STXBP5L: variants seen among roughly 807,000 people sequenced by gnomAD.
STXBP5L encodes syntaxin-binding protein 5-like.
A neutral mutation model predicts 144.5 loss-of-function variants in STXBP5L; 65 were observed. The ratio of observed to expected loss-of-function variants is 0.45; its 90% CI spans 0.37 to 0.55. The LOEUF (loss-of-function observed/expected upper bound fraction) is 0.55. STXBP5L is among the 20% of genes least tolerant of loss of function. The pLI, the probability that STXBP5L is intolerant of heterozygous loss-of-function variation, is 0.00. For missense variants in STXBP5L, 1,298 were observed against 1,405.5 expected, an observed-to-expected ratio of 0.92 and a Z score of 1.22; for synonymous variants, 505 against 469.6, an observed-to-expected ratio of 1.08 and a Z score of -0.97.
intron 20 of STXBP5L, chr3:121,324,724 A>T: frequency 3.8e-6 from 2 of 526,376 alleles, no homozygotes; most frequent in Non-Finnish European, 6.7e-6. Flanking sequence ...ATGAAAACAA[A>T]TTTTTCTGAA....
At chr3:121,400,854 C>T (rs542229273) in intron 22 of STXBP5L, among the ~76,000 whole-genome samples, 1 of 151,864 alleles carries the variant, frequency 6.6e-6, no homozygotes, top group Admixed American at 6.6e-5. Flanking sequence ...TGCTACAGTT[C>T]AAAATAGAGG....
At chr3:121,005,978 G>T (rs938558167) in intron 3 of STXBP5L, among the ~76,000 whole-genome samples, 1 of 152,058 alleles carries the variant, frequency 6.6e-6, no homozygotes, top group Non-Finnish European at 1.5e-5. Flanking sequence ...CCAACTATGT[G>T]GTCACTTTTG....
intron 8 of STXBP5L, among the ~76,000 whole-genome samples, chr3:121,153,295 G>T (rs1336003344): frequency 3.9e-5 from 6 of 151,968 alleles, no homozygotes; most frequent in Admixed American, 3.9e-4. Flanking sequence ...CCGTAAAACT[G>T]GGGGCAACAG....
At chr3:121,093,472 G>T (rs2042938447) in intron 5 of STXBP5L, among the ~76,000 whole-genome samples, 1 of 152,184 alleles carries the variant, frequency 6.6e-6, no homozygotes, top group African/African-American at 2.4e-5. Context: ...TCTATTCAGA[G>T]ATTCAACTTC....
At chr3:121,176,625 T>G (rs2046947050) in intron 9 of STXBP5L, among the ~76,000 whole-genome samples, 1 of 151,094 alleles carries the variant, frequency 6.6e-6, no homozygotes, top group African/African-American at 2.4e-5. Flanking sequence ...CAACAAAACC[T>G]TAGGAAATAT....
intron 24 of STXBP5L, among the ~76,000 whole-genome samples, chr3:121,414,525 C>T (rs2047189454): frequency 6.6e-6 from 1 of 152,120 alleles, no homozygotes. Flanking sequence ...GTCCCTTAAT[C>T]AAAAGAAGTT....
intron 5 of STXBP5L, among the ~76,000 whole-genome samples, chr3:121,078,855 G>A (rs1321025622): frequency 6.6e-6 from 1 of 152,246 alleles, no homozygotes; most frequent in Admixed American, 6.5e-5. Flanking sequence ...TGAGTGCGGG[G>A]CCCGCCAAGC....
Position 121,330,246 on chromosome 3 carries a change from C to A in STXBP5L, c.2176+11706C>A, listed in dbSNP as rs551288133. ...CTAGTGGAACACTGTAGGTGTGAAA[C>A]CTGCCTTGCCAAGTATGTGGGAGCT... On this transcript the variant is annotated intron_variant, in intron 20 of 26. Transcript: ENST00000471454. 6.6e-5 allele frequency among the ~76,000 whole-genome samples: 10 copies of A among 152,270 alleles called. No homozygotes were observed. In the East Asian group the frequency reaches 1.5e-3, roughly 24 times the overall value.
chr3:121,222,344 C>T (rs138733698), intron 10 of STXBP5L, among the ~76,000 whole-genome samples: 120 of 152,138 alleles, frequency 7.9e-4, no homozygotes, highest in African/African-American at 2.6e-3. Context: ...GACCAAAAAT[C>T]TTGTTTAAAG....
chr3:121,014,680 C>T (rs959481324), intron 3 of STXBP5L, among the ~76,000 whole-genome samples: 1 of 151,422 alleles, frequency 6.6e-6, no homozygotes, highest in African/African-American at 2.4e-5. Context: ...AATAGGGGTA[C>T]AATTTTACAC....
Position 121,286,651 on chromosome 3 carries a change from T to C in STXBP5L, c.2110+6695T>C, listed in dbSNP as rs185634619. On this transcript the variant is annotated intron_variant, in intron 19 of 26. Transcript: ENST00000471454. ...AATGGCCTATCCAACATGGAAACAT[T>C]TAAGTGAAGTTTTGCAAGATAAATA... Among the ~76,000 whole-genome samples, 8 of 152,204 alleles carry C rather than the reference T, an allele frequency of 5.3e-5. No homozygotes were observed. In the East Asian group the frequency reaches 1.5e-3, roughly 29 times the overall value.
intron 14 of STXBP5L, among the ~76,000 whole-genome samples, chr3:121,241,627 A>C (rs1300068413): frequency 6.6e-6 from 1 of 152,072 alleles, no homozygotes; most frequent in Non-Finnish European, 1.5e-5. Context: ...TAGAATTCTC[A>C]CCACTGCCTA....
In STXBP5L at chr3:121,423,561, C is replaced by T. The variant is rs1341517768; in HGVS notation, c.*4464C>T. 1 of 152,154 alleles carries T rather than the reference C, an allele frequency of 6.6e-6. No individual in the cohort carries two copies. Among genetic ancestry groups the T allele is most frequent in the Admixed American group, 6.5e-5 (1 of 15,280 alleles). The allele number at this position is 152,154 out of a possible 1,614,324, so 9.4% of individuals were successfully genotyped here. ...GCACAGATGGATGCTTTGATTTACACATTTATCTAGAGGAGTGATTCTCAA... is the reference window on the plus strand; with the variant it reads ...GCACAGATGGATGCTTTGATTTACATATTTATCTAGAGGAGTGATTCTCAA... On this transcript the variant is annotated 3_prime_UTR_variant, in exon 27 of 27. Coordinates refer to ENST00000471454, the MANE Select transcript of STXBP5L (RefSeq NM_001308330.2).
At chr3:120,931,773 C>T (rs1483442601) in intron 2 of STXBP5L, among the ~76,000 whole-genome samples, 1 of 152,156 alleles carries the variant, frequency 6.6e-6, no homozygotes, top group Non-Finnish European at 1.5e-5. Context: ...GAAGTCAAAC[C>T]ACAATCTCTG....
intron 3 of STXBP5L, among the ~76,000 whole-genome samples, chr3:121,004,427 C>T (rs974183745): frequency 6.6e-6 from 1 of 151,806 alleles, no homozygotes. Flanking sequence ...CTGAAGTTGC[C>T]TATCAGCTTA....
intron 5 of STXBP5L, among the ~76,000 whole-genome samples, chr3:121,085,225 A>G (rs1204777599): frequency 6.6e-6 from 1 of 152,118 alleles, no homozygotes; most frequent in African/African-American, 2.4e-5. Context: ...GTTTAATTAC[A>G]TCCCGTTTGC....
At chr3:121,223,854 G>A (rs998180882) in intron 11 of STXBP5L, among the ~76,000 whole-genome samples, 1 of 152,056 alleles carries the variant, frequency 6.6e-6, no homozygotes, top group African/African-American at 2.4e-5. Flanking sequence ...CCAGCACTTT[G>A]AGAGGCCAAG....
chr3:121,157,398 G>T (rs1371091655), intron 8 of STXBP5L, 106 bp from the exon 9 acceptor site: 3 of 1,188,854 alleles, frequency 2.5e-6, no homozygotes, highest in Non-Finnish European at 3.3e-6. Context: ...TTTAAGTGTT[G>T]TTAGTATAAT....
intron 10 of STXBP5L, among the ~76,000 whole-genome samples, chr3:121,210,464 G>T (rs929063475): frequency 6.6e-6 from 1 of 152,032 alleles, no homozygotes; most frequent in Non-Finnish European, 1.5e-5. Context: ...TTTGGCTTTT[G>T]TTGCCATTGC....
Sources: allele counts gnomAD v4.1 joint callset (sites outside exome capture counted in the v4.1 genomes callset), GRCh38; gene constraint gnomAD v4.1.1; transcripts MANE v1.5; gene names NCBI Gene and HGNC (gene_info 2026-07-23, HGNC 2026-07-21).